The following PCDHB4 variants were observed in gnomAD, a reference collection of about 807,000 sequenced individuals.
PCDHB4 encodes the protein protocadherin beta 4.
For missense variants in PCDHB4, 1,063 were observed against 1,007.0 expected (o/e 1.06, Z -0.75); for synonymous variants, 482 against 447.3 (o/e 1.08, Z -0.98).
chr5:141,123,870 C>T lies in PCDHB4; in HGVS notation c.1872C>T (p.Arg624=), dbSNP rs782779769. The T allele has an allele frequency of 1.9e-5, 31 of 1,607,394 alleles. No individual in the cohort carries two copies. Among genetic ancestry groups the T allele is most frequent in the Non-Finnish European group, 2.5e-5 (30 of 1,179,662 alleles). ...FGVWAHNGEV[R]TARLLSERDA... is the part of the protein sequence containing the mutation. The stretch of plus-strand genomic sequence containing the variant: ...TGTGGGCGCACAATGGCGAGGTGCG[C>T]ACCGCCAGGCTGCTGAGCGAGCGCG... Residue 624 remains arginine (R), a synonymous_variant, in exon 1 of 1, where the codon CGC becomes CGT. Coordinates refer to ENST00000194152, the MANE Select transcript of PCDHB4 (RefSeq NM_018938.4).
In PCDHB4 at chr5:141,124,121, T is replaced by C. The variant is rs1554274716; in HGVS notation, c.2123T>C (p.Val708Ala). ...TTCCTCTTCTCGGTGCTCCTGTTCG[T>C]GGCGGTGCGGCTGTGCAGGAGGAGC... is the stretch of plus-strand genomic sequence containing the variant. The part of the protein sequence containing the change: ...SLFLFSVLLF[V>A]AVRLCRRSRA... Residue 708 changes from valine to alanine, a missense_variant, in exon 1 of 1, where the codon GTG becomes GCG. Physicochemically the swap from Val to Ala is moderately conservative, Grantham distance 64. Coordinates refer to ENST00000194152, the MANE Select transcript of PCDHB4 (RefSeq NM_018938.4). 4 of 1,611,036 alleles carry C rather than the reference T, an allele frequency of 2.5e-6. No homozygotes were observed. Among genetic ancestry groups the C allele is most frequent in the Middle Eastern group, 2.0e-4 (1 of 5,064 alleles).
In PCDHB4 at chr5:141,124,260, G is replaced by A. The variant is rs782253966; in HGVS notation, c.2262G>A (p.Leu754=). 11 of 1,614,188 alleles carry A rather than the reference G, an allele frequency of 6.8e-6. No individual in the cohort carries two copies. In the South Asian group the frequency reaches 1.2e-4, roughly 18 times the overall value. ...LSQSYQYEVC[L]TGDSGTGEFK... ...AGAGCTACCAGTACGAGGTGTGTCT[G>A]ACAGGAGACTCTGGGACTGGTGAGT... is the stretch of plus-strand genomic sequence containing the variant. The change falls in exon 1 of 1, where the codon CTG becomes CTA. Residue 754 remains leucine (L), a synonymous_variant. Transcript: ENST00000194152.
chr5:141,123,519 A>G lies in PCDHB4; in HGVS notation c.1521A>G (p.Ala507=), dbSNP rs17844413. The G allele has an allele frequency of 7.1e-4, 1,151 of 1,612,964 alleles. 1 individual carries two copies. In the Admixed American group the frequency reaches 8.2e-3, roughly 12 times the overall value. ...LPLASLVSIN[A]DNGHLFALRS... ...TCGCCTCCCTGGTCTCCATCAACGCAGACAACGGCCACCTGTTCGCCCTCA... is the reference window on the plus strand; with the variant it reads ...TCGCCTCCCTGGTCTCCATCAACGCGGACAACGGCCACCTGTTCGCCCTCA... The change falls in exon 1 of 1, where the codon GCA becomes GCG. Residue 507 remains alanine, a synonymous_variant. Transcript: ENST00000194152.
chr5:141,122,113 G>T lies in PCDHB4; in HGVS notation c.115G>T (p.Glu39Ter). 6.2e-7 allele frequency: 1 copy of T among 1,614,184 alleles called. No homozygotes were observed. Among genetic ancestry groups the T allele is most frequent in the Non-Finnish European group, 8.5e-7 (1 of 1,180,038 alleles). The stretch of plus-strand genomic sequence containing the variant: ...TCGTTATTCTGTGTTGGAGGAAACA[G>T]AGAGCGGCTCCTTTGTAGCCCATCT... ...PIRYSVLEET[E>*]SGSFVAHLAK... is the part of the protein sequence containing the mutation. Residue 39 changes from glutamate (E) to a stop codon, truncating the protein, a stop_gained, in exon 1 of 1, where the codon GAG becomes TAG. Transcript: ENST00000194152. LOFTEE classifies it low-confidence loss of function (END_TRUNC).
At position 141,122,893 on chromosome 5, in the gene PCDHB4, G is replaced by T. The variant is rs143623441; in HGVS notation, c.895G>T (p.Glu299Ter). 4.4e-5 allele frequency: 71 copies of T among 1,610,186 alleles called. No individual in the cohort carries two copies. The highest frequency in any genetic ancestry group is 5.9e-5 in the Non-Finnish European group (69 of 1,179,048). Residue 299 changes from glutamate to a stop codon, truncating the protein, a stop_gained, in exon 1 of 1, where the codon GAA (glutamate) becomes TAA (stop). Transcript: ENST00000194152. LOFTEE classifies it low-confidence loss of function (END_TRUNC). ...TTTCTCAATAAATGAAGTCACGGGA[G>T]AAATACTGTTGAAAAAAAAATTGGA... ...QTFSINEVTG[E>*]ILLKKKLDFE... is the part of the protein sequence containing the mutation.
In PCDHB4 at chr5:141,123,244, T is replaced by C. The variant is rs1405931286; in HGVS notation, c.1246T>C (p.Tyr416His). The part of the protein sequence containing the change: ...RPLDRETSAE[Y>H]NITIAVTDLG... ...ACTGGACCGAGAGACCAGCGCTGAG[T>C]ACAACATCACCATCGCCGTCACTGA... The change falls in exon 1 of 1, where the codon TAC (tyrosine) becomes CAC (histidine). Residue 416 changes from tyrosine (Y) to histidine (H), a missense_variant. Physicochemically the swap from Tyr to His is moderately conservative, Grantham distance 83. Coordinates refer to ENST00000194152, the MANE Select transcript of PCDHB4 (RefSeq NM_018938.4). The C allele has an allele frequency of 1.1e-5, 18 of 1,613,796 alleles. No homozygotes were observed. The Admixed American group carries it at 3.0e-4, about 27-fold the overall frequency.
rs201688437 is a variant in PCDHB4 at position 141,123,339 on chromosome 5, C to T, written c.1341C>T (p.Ala447=). ...TVQVSDVNDN[A]PAFTQTSYTL... ...AGGTCTCCGACGTCAATGACAACGC[C>T]CCCGCCTTCACCCAAACCTCCTACA... Residue 447 remains alanine, a synonymous_variant, in exon 1 of 1, where the codon GCC becomes GCT. Coordinates refer to ENST00000194152, the MANE Select transcript of PCDHB4 (RefSeq NM_018938.4). The T allele has an allele frequency of 9.3e-6, 15 of 1,614,100 alleles. No individual in the cohort carries two copies. The East Asian group carries it at 3.3e-4, about 36-fold the overall frequency.
chr5:141,123,493 C>G lies in PCDHB4; in HGVS notation c.1495C>G (p.Leu499Val). Residue 499 changes from leucine to valine, a missense_variant, in exon 1 of 1, where the codon CTC (leucine) becomes GTC (valine). Coordinates refer to ENST00000194152, the MANE Select transcript of PCDHB4 (RefSeq NM_018938.4). ...GCCGCCCCAGGACCCGCACCTGCCCCTCGCCTCCCTGGTCTCCATCAACGC... is the reference window on the plus strand; with the variant it reads ...GCCGCCCCAGGACCCGCACCTGCCCGTCGCCTCCCTGGTCTCCATCAACGC... Reference protein sequence around the residue: ...LLPPQDPHLPLASLVSINADN... With the variant: ...LLPPQDPHLPVASLVSINADN... 6.2e-7 allele frequency: 1 copy of G among 1,613,336 alleles called. No individual in the cohort carries two copies. Among genetic ancestry groups the G allele is most frequent in the South Asian group, 1.1e-5 (1 of 91,046 alleles).
At position 141,122,787 on chromosome 5, in the gene PCDHB4, C is replaced by G; in HGVS notation, c.789C>G (p.Val263=). 6.2e-7 allele frequency: 1 copy of G among 1,614,062 alleles called. No homozygotes were observed. Among genetic ancestry groups the G allele is most frequent in the Non-Finnish European group, 8.5e-7 (1 of 1,180,004 alleles). Residue 263 remains valine (V), a synonymous_variant, in exon 1 of 1, where the codon GTC becomes GTG. Coordinates refer to ENST00000194152, the MANE Select transcript of PCDHB4 (RefSeq NM_018938.4). ...CCCTAGACTCTCCAATTGTTAGGGT[C>G]TTAGCTAGAGATATAGATGCTGGAA... ...NSPLDSPIVR[V]LARDIDAGNF... is the part of the protein sequence containing the mutation.
In PCDHB4 at chr5:141,123,963, C is replaced by T. The variant is rs1554274675; in HGVS notation, c.1965C>T (p.Ala655=). 1 of 1,604,382 alleles carries T rather than the reference C, an allele frequency of 6.2e-7. No individual in the cohort carries two copies. The part of the protein sequence containing the change: ...DNGEPPRSAT[A]TLHVLLVDGF... ...GCGAGCCTCCGCGCTCGGCCACCGC[C>T]ACGCTGCACGTGCTCCTGGTGGATG... Residue 655 remains alanine (A), a synonymous_variant, in exon 1 of 1, where the codon GCC becomes GCT. Coordinates refer to ENST00000194152, the MANE Select transcript of PCDHB4 (RefSeq NM_018938.4).
Position 141,122,028 on chromosome 5 carries a change from C to A in PCDHB4, c.30C>A (p.Asn10Lys), listed in dbSNP as rs781810422. The A allele has an allele frequency of 6.2e-6, 10 of 1,605,580 alleles. No individual in the cohort carries two copies. The highest frequency in any genetic ancestry group is 7.7e-6 in the Non-Finnish European group (9 of 1,175,784). MKKLGRIHP[N>K]RQVLAFILMV... Reference sequence around the variant, plus strand: ...AGAAGCTAGGGAGAATTCATCCAAACAGGCAAGTGTTGGCCTTTATTTTGA... The same window carrying A: ...AGAAGCTAGGGAGAATTCATCCAAAAAGGCAAGTGTTGGCCTTTATTTTGA... The change falls in exon 1 of 1, where the codon AAC (asparagine) becomes AAA (lysine). Residue 10 changes from asparagine (N) to lysine (K), a missense_variant. Coordinates refer to ENST00000194152, the MANE Select transcript of PCDHB4 (RefSeq NM_018938.4).
At position 141,123,202 on chromosome 5, in the gene PCDHB4, C is replaced by A; in HGVS notation, c.1204C>A (p.Leu402Met). The A allele has an allele frequency of 6.2e-7, 1 of 1,614,198 alleles. No individual in the cohort carries two copies. The highest frequency in any genetic ancestry group is 1.6e-4 in the Middle Eastern group (1 of 6,062). ...ACCAACTTTGAAGAATTTTTACACC[C>A]TGGTAACAGAGAGACCACTGGACCG... is the stretch of plus-strand genomic sequence containing the variant. ...LKPTLKNFYT[L>M]VTERPLDRET... Residue 402 changes from leucine to methionine, a missense_variant, in exon 1 of 1, where the codon CTG becomes ATG. Physicochemically the swap from Leu to Met is conservative, Grantham distance 15. Transcript: ENST00000194152.
rs1752396396 is a variant in PCDHB4 at position 141,125,580 on chromosome 5, T to C, written c.*1194T>C. 6.6e-6 allele frequency: 1 copy of C among 152,214 alleles called. No individual in the cohort carries two copies. Among genetic ancestry groups the C allele is most frequent in the Non-Finnish European group, 1.5e-5 (1 of 68,022 alleles). 9.4% of individuals were successfully genotyped at this position (152,214 alleles called of 1,614,324 possible). On this transcript the variant is annotated 3_prime_UTR_variant, in exon 1 of 1. Transcript: ENST00000194152. ...CTTGCATGAAATAAATATTATTTTG[T>C]CCTTGTATAGACTGGAACAGTAATA...
chr5:141,123,517 G>C lies in PCDHB4; in HGVS notation c.1519G>C (p.Ala507Pro). 6.2e-7 allele frequency: 1 copy of C among 1,610,176 alleles called. No homozygotes were observed. Among genetic ancestry groups the C allele is most frequent in the African/African-American group, 1.3e-5 (1 of 74,890 alleles). ...LPLASLVSINADNGHLFALRS... is the reference protein window; with the variant it reads ...LPLASLVSINPDNGHLFALRS... Reference sequence around the variant, plus strand: ...CCTCGCCTCCCTGGTCTCCATCAACGCAGACAACGGCCACCTGTTCGCCCT... The same window carrying C: ...CCTCGCCTCCCTGGTCTCCATCAACCCAGACAACGGCCACCTGTTCGCCCT... Residue 507 changes from alanine (A) to proline (P), a missense_variant, in exon 1 of 1, where the codon GCA becomes CCA. By Grantham distance (27) the Ala-to-Pro change is conservative. Coordinates refer to ENST00000194152, the MANE Select transcript of PCDHB4 (RefSeq NM_018938.4).
chr5:141,122,070 G>C lies in PCDHB4; in HGVS notation c.72G>C (p.Gln24His). The C allele has an allele frequency of 6.2e-7, 1 of 1,614,056 alleles. No individual in the cohort carries two copies. Among genetic ancestry groups the C allele is most frequent in the South Asian group, 1.1e-5 (1 of 91,024 alleles). ...LAFILMVFLSQVRLEPIRYSV... is the reference protein window; with the variant it reads ...LAFILMVFLSHVRLEPIRYSV... ...TTATTTTGATGGTGTTCTTGTCTCA[G>C]GTTCGCCTCGAGCCTATTCGTTATT... The change falls in exon 1 of 1, where the codon CAG becomes CAC. Residue 24 changes from glutamine (Q) to histidine (H), a missense_variant. Transcript: ENST00000194152.
In PCDHB4 at chr5:141,123,637, C is replaced by A. The variant is rs1356578515; in HGVS notation, c.1639C>A (p.Arg547Ser). The part of the protein sequence containing the change: ...SPALSSEALV[R>S]VLVLDTNDNS... ...GGCTTTGAGCAGCGAGGCGCTGGTGCGCGTGCTGGTGCTGGACACCAACGA... is the reference window on the plus strand; with the variant it reads ...GGCTTTGAGCAGCGAGGCGCTGGTGAGCGTGCTGGTGCTGGACACCAACGA... The change falls in exon 1 of 1, where the codon CGC (arginine) becomes AGC (serine). Residue 547 changes from arginine (R) to serine (S), a missense_variant. Arg to Ser is a moderately radical substitution (Grantham distance 110). Transcript: ENST00000194152. 6 of 1,611,766 alleles carry A rather than the reference C, an allele frequency of 3.7e-6. No homozygotes were observed. The highest frequency in any genetic ancestry group is 2.2e-5 in the East Asian group (1 of 44,892).
chr5:141,123,630 G>T lies in PCDHB4; in HGVS notation c.1632G>T (p.Ala544=). 17 of 1,611,904 alleles carry T rather than the reference G, an allele frequency of 1.1e-5. No individual in the cohort carries two copies. The highest frequency in any genetic ancestry group is 1.4e-5 in the Non-Finnish European group (17 of 1,179,714). The part of the protein sequence containing the change: ...DRGSPALSSE[A]LVRVLVLDTN... The stretch of plus-strand genomic sequence containing the variant: ...GTTCTCCGGCTTTGAGCAGCGAGGC[G>T]CTGGTGCGCGTGCTGGTGCTGGACA... Residue 544 remains alanine (A), a synonymous_variant, in exon 1 of 1, where the codon GCG becomes GCT. Transcript: ENST00000194152.
rs782115208 is a variant in PCDHB4, at chr5:141,123,394, G to A, written c.1396G>A (p.Ala466Thr). The change falls in exon 1 of 1, where the codon GCC (alanine) becomes ACC (threonine). Residue 466 changes from alanine to threonine, a missense_variant. Ala to Thr is a moderately conservative substitution (Grantham distance 58). Coordinates refer to ENST00000194152, the MANE Select transcript of PCDHB4 (RefSeq NM_018938.4). ...GTTCGTCCGCGAGAACAACAGCCCCGCCCTGCACATCGGCAGTGTCAGCGC... is the reference window on the plus strand; with the variant it reads ...GTTCGTCCGCGAGAACAACAGCCCCACCCTGCACATCGGCAGTGTCAGCGC... Reference protein sequence around the residue: ...TLFVRENNSPALHIGSVSATD... With the variant: ...TLFVRENNSPTLHIGSVSATD... The A allele has an allele frequency of 2.5e-5, 41 of 1,613,472 alleles. No individual in the cohort carries two copies. Among genetic ancestry groups the A allele is most frequent in the Non-Finnish European group, 3.1e-5 (37 of 1,180,030 alleles).
chr5:141,124,620 T>C lies in PCDHB4; in HGVS notation c.*234T>C, dbSNP rs1390048860. 4 of 363,678 alleles carry C rather than the reference T, an allele frequency of 1.1e-5. No homozygotes were observed. The East Asian group carries it at 1.3e-4, about 12-fold the overall frequency. 22.5% of individuals were successfully genotyped at this position (363,678 alleles called of 1,614,324 possible). A position where few individuals can be genotyped will look rare whatever the true frequency, so the allele number is the denominator to read the frequency against. Reference sequence around the variant, plus strand: ...TTCTCTATATTTGATCTATTGGTGATTAATCTTTTTGTAATCATAAATTAC... The same window carrying C: ...TTCTCTATATTTGATCTATTGGTGACTAATCTTTTTGTAATCATAAATTAC... On this transcript the variant is annotated 3_prime_UTR_variant, in exon 1 of 1. Transcript: ENST00000194152.
Sources: allele counts gnomAD v4.1 joint callset, GRCh38; gene constraint gnomAD v4.1.1; transcripts MANE v1.5; gene names NCBI Gene and HGNC (gene_info 2026-07-23, HGNC 2026-07-21).